Variants in LINGO2 observed in about 807,000 individuals in gnomAD.
LINGO2 encodes the protein leucine rich repeat and Ig domain containing 2, also known as leucine-rich repeat and immunoglobulin-like domain-containing nogo receptor-interacting protein 2.
In LINGO2, 14 loss-of-function variants were observed where a neutral mutation model predicts 30.6. That is an observed-to-expected ratio of 0.46 (90% CI 0.30 to 0.72). The LOEUF (loss-of-function observed/expected upper bound fraction) is 0.72, where lower values mean the gene tolerates loss of function less well. LINGO2 is among the 30% of genes least tolerant of loss of function. The probability of loss-of-function intolerance (pLI) is 0.07; values close to 1 mark genes in which losing one functional copy is unlikely to be tolerated. For synonymous variants in LINGO2, 317 were observed against 288.5 expected, an observed-to-expected ratio of 1.10 and a Z score of -1.00; for missense variants, 729 against 751.7, an observed-to-expected ratio of 0.97 and a Z score of 0.35.
chr9:28,550,672 C>T (rs1822231748), intron 1 of LINGO2, among the ~76,000 whole-genome samples: 2 of 151,702 alleles, frequency 1.3e-5, no homozygotes, highest in Non-Finnish European at 2.9e-5. Flanking sequence ...ATATTAAAAA[C>T]ACTCTGTGAA....
chr9:28,023,391 C>T (rs1452593914), intron 4 of LINGO2, among the ~76,000 whole-genome samples: 1 of 152,100 alleles, frequency 6.6e-6, no homozygotes, highest in Non-Finnish European at 1.5e-5. Flanking sequence ...CCTGTAATAT[C>T]CTTGTTTTTG....
rs144017516 is a variant in LINGO2, at chr9:28,118,313, C to T, written c.-86-105908G>A. ...GAACTGAGAGGAAAACACTGCCTGTCTTACTTCTAAATGAATAGCAGGTAT... is the reference window on the plus strand; with the variant it reads ...GAACTGAGAGGAAAACACTGCCTGTTTTACTTCTAAATGAATAGCAGGTAT... On this transcript the variant is annotated intron_variant, in intron 4 of 5. Transcript: ENST00000379992. 1.8e-3 allele frequency among the ~76,000 whole-genome samples: 281 copies of T among 152,250 alleles called. 4 individuals carry two copies. The South Asian group carries it at 0.038, about 21-fold the overall frequency.
the LINGO2 span, among the ~76,000 whole-genome samples, chr9:28,942,137 G>T: frequency 6.6e-6 from 1 of 152,112 alleles, no homozygotes; most frequent in Non-Finnish European, 1.5e-5. Context: ...TGAAAGAGGA[G>T]CTATTGTGAA....
chr9:28,130,482 G>GAATCTC lies in LINGO2; in HGVS notation c.-86-118078_-86-118077insGAGATT, dbSNP rs1274296937. On this transcript the variant is annotated intron_variant, in intron 4 of 5. Coordinates refer to ENST00000379992, the Ensembl canonical transcript of LINGO2. This position sits in a 1 kb window ranked among gnomAD's most constrained non-coding sequence, Gnocchi z 5.2. ...CAAATTTTTGTGAATCTCTCACCAT[G>GAATCTC]TTACCACTGACAGTCATTTAATCTC... 6.6e-6 allele frequency among the ~76,000 whole-genome samples: 1 copy of GAATCTC among 152,118 alleles called. No homozygotes were observed. Among genetic ancestry groups the GAATCTC allele is most frequent in the African/African-American group, 2.4e-5 (1 of 41,416 alleles).
chr9:29,017,550 C>T, the LINGO2 span, among the ~76,000 whole-genome samples: 3 of 152,118 alleles, frequency 2.0e-5, no homozygotes, highest in Non-Finnish European at 2.9e-5. Flanking sequence ...ATGTGCACCA[C>T]TGTCATGAAG....
chr9:28,613,002 C>T (rs1426627114), intron 1 of LINGO2, among the ~76,000 whole-genome samples: 1 of 152,056 alleles, frequency 6.6e-6, no homozygotes, highest in African/African-American at 2.4e-5. Flanking sequence ...AGTGAGTTCT[C>T]ATGAGATCTG....
chr9:28,567,794 AAAATAAAT>A (rs35618477), intron 1 of LINGO2, among the ~76,000 whole-genome samples: 9 of 149,904 alleles, frequency 6.0e-5, no homozygotes, highest in Middle Eastern at 3.2e-3. Flanking sequence ...TCCTGAATCT[AAAATAAAT>A]AAATAAATAA....
At chr9:28,796,364 T>C in the LINGO2 span, among the ~76,000 whole-genome samples, 1 of 152,132 alleles carries the variant, frequency 6.6e-6, no homozygotes, top group Non-Finnish European at 1.5e-5. Flanking sequence ...TCTTCAAAGA[T>C]GGGTGTAGCC....
intron 1 of LINGO2, among the ~76,000 whole-genome samples, chr9:28,549,049 T>C (rs1012640855): frequency 1.3e-5 from 2 of 152,070 alleles, no homozygotes; most frequent in African/African-American, 4.8e-5. Context: ...TTAACCTGTA[T>C]ACAGTTCTTT....
intron 4 of LINGO2, among the ~76,000 whole-genome samples, chr9:28,182,236 G>A (rs1445768030): frequency 6.6e-6 from 1 of 152,112 alleles, no homozygotes; most frequent in East Asian, 1.9e-4. Context: ...TTCAATAAAT[G>A]GTGCTGGGAA....
At chr9:28,782,772 A>C in the LINGO2 span, among the ~76,000 whole-genome samples, 1 of 152,232 alleles carries the variant, frequency 6.6e-6, no homozygotes, top group African/African-American at 2.4e-5. Flanking sequence ...CTACAACTTT[A>C]GAAAGTACAG....
At chr9:29,069,790 G>T in the LINGO2 span, among the ~76,000 whole-genome samples, 1 of 152,032 alleles carries the variant, frequency 6.6e-6, no homozygotes, top group Non-Finnish European at 1.5e-5. Flanking sequence ...GTTTGTAATA[G>T]ATTCTCTCCA....
chr9:28,307,524 C>G (rs1344675071), intron 3 of LINGO2, among the ~76,000 whole-genome samples: 1 of 152,170 alleles, frequency 6.6e-6, no homozygotes, highest in Non-Finnish European at 1.5e-5. Flanking sequence ...TGGCACAAGA[C>G]AGGGATGCCC....
At chr9:28,214,950 G>T (rs1392859862) in intron 4 of LINGO2, among the ~76,000 whole-genome samples, 1 of 151,670 alleles carries the variant, frequency 6.6e-6, no homozygotes, top group East Asian at 1.9e-4. Flanking sequence ...GAGCACCAGA[G>T]GGATTAAATG....
intron 4 of LINGO2, among the ~76,000 whole-genome samples, chr9:28,013,524 CTT>C (rs565953670): frequency 3.4e-4 from 52 of 152,180 alleles, no homozygotes; most frequent in Non-Finnish European, 6.6e-4. Flanking sequence ...TGGCTTAAAA[CTT>C]TTATCAGTAT....
At chr9:29,179,279 A>T in the LINGO2 span, among the ~76,000 whole-genome samples, 1 of 148,946 alleles carries the variant, frequency 6.7e-6, no homozygotes, top group African/African-American at 2.5e-5. Context: ...CTTCTGGGCA[A>T]GTATTGCTGC....
intron 4 of LINGO2, among the ~76,000 whole-genome samples, chr9:28,083,931 C>G (rs1216260719): frequency 6.6e-6 from 1 of 152,160 alleles, no homozygotes; most frequent in Non-Finnish European, 1.5e-5. Flanking sequence ...GGTAATTGTA[C>G]ACTGTGTGTC....
intron 4 of LINGO2, among the ~76,000 whole-genome samples, chr9:28,275,492 C>T (rs1012011834): frequency 6.6e-6 from 1 of 152,144 alleles, no homozygotes; most frequent in Non-Finnish European, 1.5e-5. Context: ...GCCTCATCCT[C>T]CTTTATACAA....
intron 2 of LINGO2, among the ~76,000 whole-genome samples, chr9:28,415,828 A>G (rs1402956382): frequency 1.3e-5 from 2 of 152,194 alleles, no homozygotes; most frequent in Non-Finnish European, 2.9e-5. Context: ...TGGCTGGCAC[A>G]TAGTAAGTGC....
Sources: allele counts gnomAD v4.1 joint callset (sites outside exome capture counted in the v4.1 genomes callset), GRCh38; gene constraint gnomAD v4.1.1; non-coding constraint Gnocchi (gnomAD v3.1); transcripts MANE v1.5; gene names NCBI Gene and HGNC (gene_info 2026-07-23, HGNC 2026-07-21).